The following SPATA13 variants were observed in gnomAD, a reference collection of about 807,000 sequenced individuals.
SPATA13 encodes spermatogenesis-associated protein 13.
SPATA13 carries 50 observed loss-of-function variants against 104.0 expected under a neutral mutation model. The ratio of observed to expected loss-of-function variants is 0.48; its 90% CI spans 0.38 to 0.61. The LOEUF is 0.61. Among genes scored for constraint, SPATA13 ranks in the 20% least tolerant of loss-of-function variants. SPATA13 has a pLI of 0.00. For synonymous variants in SPATA13, 606 were observed against 667.5 expected (o/e 0.91, Z 1.42); for missense variants, 1,524 against 1,690.6 (o/e 0.90, Z 1.73).
chr13:24,037,683 C>T (rs1398411275), intron 3 of SPATA13, among the ~76,000 whole-genome samples: 1 of 152,076 alleles, frequency 6.6e-6, no homozygotes, highest in Non-Finnish European at 1.5e-5. Context: ...GCTGAGATTA[C>T]AGGCATGAGC....
chr13:24,249,068 G>A (rs934742551), intron 2 of SPATA13, among the ~76,000 whole-genome samples: 2 of 152,036 alleles, frequency 1.3e-5, no homozygotes, highest in African/African-American at 4.8e-5. Flanking sequence ...TGGGGTTTCT[G>A]CATGTTGCCC....
In SPATA13 at chr13:24,220,259, C is replaced by T. The variant is rs555343460; in HGVS notation, c.-111-2560C>T. ...ACCAAGGTTAGGCCGATTCCCATGT[C>T]TTGGGCCCTTGTTTCCTTCTTGGTT... On this transcript the variant is annotated intron_variant, in intron 1 of 12. Transcript: ENST00000382108. Among the ~76,000 whole-genome samples, 4 of 152,272 alleles carry T rather than the reference C, an allele frequency of 2.6e-5. No homozygotes were observed. In the South Asian group the frequency reaches 8.3e-4, roughly 32 times the overall value.
intron 3 of SPATA13, among the ~76,000 whole-genome samples, chr13:24,065,610 AGAG>A (rs1878930450): frequency 3.7e-4 from 1 of 2,700 alleles, no homozygotes; most frequent in Admixed American, 5.4e-3. Flanking sequence ...CTCACAAGAC[AGAG>A]AGAGACGTCC....
At chr13:24,015,798 G>A (rs991296920) in intron 2 of SPATA13, among the ~76,000 whole-genome samples, 11 of 25,900 alleles carry the variant, frequency 4.2e-4, no homozygotes, top group Non-Finnish European at 9.9e-4. Flanking sequence ...ACCATGCCAA[G>A]GTGAGCCTCG....
chr13:24,209,923 C>T (rs1038049106), intron 1 of SPATA13, among the ~76,000 whole-genome samples: 1 of 152,108 alleles, frequency 6.6e-6, no homozygotes, highest in Non-Finnish European at 1.5e-5. Flanking sequence ...TCCTTACCAC[C>T]GCTTGTAACC....
chr13:24,057,008 TC>T (rs2137749372), intron 3 of SPATA13, among the ~76,000 whole-genome samples: 1 of 430 alleles, frequency 2.3e-3, no homozygotes, highest in African/African-American at 4.3e-3. Context: ...GTTTTCTTTC[TC>T]TCTCTCTCTC....
chr13:24,262,600 G>C (rs1469626504), intron 4 of SPATA13, among the ~76,000 whole-genome samples: 2 of 152,120 alleles, frequency 1.3e-5, no homozygotes, highest in East Asian at 3.9e-4. Context: ...CCAATCCTTG[G>C]GCAAGTCACT....
At chr13:24,043,389 T>C (rs1167309238) in intron 3 of SPATA13, among the ~76,000 whole-genome samples, 2 of 152,062 alleles carry the variant, frequency 1.3e-5, no homozygotes, top group Non-Finnish European at 2.9e-5. Flanking sequence ...GCTTGATGGA[T>C]TGGGAAATCA....
At chr13:24,302,521 A>G in intron 12 of SPATA13, 77 bp from the exon 13 acceptor site, 1 of 632,804 alleles carries the variant, frequency 1.6e-6, no homozygotes, top group Non-Finnish European at 2.5e-6. Context: ...TTGGAGTCTC[A>G]GCATTTTTAT....
intron 3 of SPATA13, among the ~76,000 whole-genome samples, chr13:24,098,583 T>A (rs1346008106): frequency 3.5e-5 from 4 of 115,402 alleles, no homozygotes; most frequent in Non-Finnish European, 5.4e-5. Context: ...GGAGATAGAG[T>A]GAGACTGTCT....
intron 3 of SPATA13, among the ~76,000 whole-genome samples, chr13:24,047,177 G>A (rs898204332): frequency 1.3e-5 from 2 of 152,164 alleles, no homozygotes; most frequent in African/African-American, 4.8e-5. Context: ...TCATTCATTT[G>A]CCAGAATGCA....
At chr13:24,278,791 GA>G (rs749470297) in intron 4 of SPATA13, 10 of 1,599,032 alleles carry the variant, frequency 6.3e-6, no homozygotes, top group Middle Eastern at 1.7e-4. Context: ...ATATAGAAAA[GA>G]AAAAAAATGT....
chr13:24,001,700 T>G (rs1593268244), intron 2 of SPATA13, among the ~76,000 whole-genome samples: 1 of 151,608 alleles, frequency 6.6e-6, no homozygotes, highest in African/African-American at 2.4e-5. Context: ...CTGGCAGGGA[T>G]GTTCAATGAT....
At chr13:24,035,357 T>C (rs1431216589) in intron 3 of SPATA13, among the ~76,000 whole-genome samples, 3 of 152,178 alleles carry the variant, frequency 2.0e-5, no homozygotes, top group African/African-American at 7.2e-5. Context: ...TTTTGCCATG[T>C]GGGCCAGGCT....
intron 1 of SPATA13, among the ~76,000 whole-genome samples, chr13:24,201,540 A>G (rs1320024950): frequency 1.3e-5 from 2 of 152,132 alleles, no homozygotes; most frequent in African/African-American, 4.8e-5. Context: ...TCCCAGGTTC[A>G]AGCGATTCTC....
intron 1 of SPATA13, among the ~76,000 whole-genome samples, chr13:24,191,348 A>G (rs1415717043): frequency 6.6e-6 from 1 of 152,050 alleles, no homozygotes; most frequent in Non-Finnish European, 1.5e-5. Context: ...CTACAGTATA[A>G]TGTACACATA....
intron 3 of SPATA13, among the ~76,000 whole-genome samples, chr13:24,059,092 C>T (rs1437692568): frequency 6.6e-6 from 1 of 151,768 alleles, no homozygotes; most frequent in Non-Finnish European, 1.5e-5. Context: ...CTGCCTCAGC[C>T]TTCCGAGTAG....
chr13:24,029,517 T>C (rs933570829), intron 3 of SPATA13, among the ~76,000 whole-genome samples: 1 of 152,182 alleles, frequency 6.6e-6, no homozygotes, highest in African/African-American at 2.4e-5. Flanking sequence ...TTGTATGTTA[T>C]TTACATAAAA....
At position 23,988,723 on chromosome 13, in the gene SPATA13, ATT is replaced by A. The variant is rs199882330; in HGVS notation, c.-147+4792_-147+4793del. On this transcript the variant is annotated intron_variant, in intron 2 of 14. Coordinates refer to the SPATA13 transcript ENST00000424834. ...GTGTCTCAGTGTGGTTTTAGTTTAC[ATT>A]TCTCCTATTTTGAATGAACTCTGAA... Among the ~76,000 whole-genome samples, 268 of 152,154 alleles carry A rather than the reference ATT, an allele frequency of 1.8e-3. 7 individuals carry two copies. The East Asian group carries it at 0.042, about 24-fold the overall frequency.
Sources: gnomAD v4.1 joint callset for allele counts (sites outside exome capture counted in the v4.1 genomes callset) on GRCh38, gnomAD v4.1.1 for gene constraint, MANE v1.5 for transcripts, NCBI Gene and HGNC (gene_info 2026-07-23, HGNC 2026-07-21) for gene names.